Variants in KIF5C observed in about 807,000 individuals in gnomAD.
KIF5C encodes the protein kinesin heavy chain isoform 5C.
Under a neutral mutation model 125.2 loss-of-function variants are expected in KIF5C, and 18 were observed. The ratio of observed to expected loss-of-function variants is 0.14; its 90% CI spans 0.10 to 0.21. The LOEUF is 0.21. Ranked by LOEUF, KIF5C falls within the 10% of genes least tolerant of loss-of-function variation. KIF5C has a pLI of 1.00. For missense variants in KIF5C, 780 were observed against 1,183.8 expected (o/e 0.66, Z 5.01); for synonymous variants, 405 against 434.0 (o/e 0.93, Z 0.83).
At chr2:148,946,666 C>T (rs13399123) in intron 7 of KIF5C, among the ~76,000 whole-genome samples, 5 of 152,164 alleles carry the variant, frequency 3.3e-5, no homozygotes, top group African/African-American at 1.2e-4. Flanking sequence ...AAACTGTTGA[C>T]TAAGATTTTT....
At chr2:148,910,083 A>G (rs1681271716) in intron 1 of KIF5C, among the ~76,000 whole-genome samples, 1 of 152,208 alleles carries the variant, frequency 6.6e-6, no homozygotes, top group East Asian at 1.9e-4. Context: ...TGAAAAATCC[A>G]ATTTAATTAA....
intron 8 of KIF5C, 147 bp from the exon 9 acceptor site, chr2:148,949,692 G>C: frequency 8.7e-7 from 1 of 1,151,204 alleles, no homozygotes; most frequent in Non-Finnish European, 1.2e-6. Context: ...CACGAAGGAT[G>C]GTTTTTTATC....
chr2:148,978,362 T>A lies in KIF5C; in HGVS notation c.1294-560T>A, dbSNP rs867965692. Among the ~76,000 whole-genome samples, 230 of 146,332 alleles carry A rather than the reference T, an allele frequency of 1.6e-3. 1 individual carries two copies. Among genetic ancestry groups the A allele is most frequent in the African/African-American group, 5.7e-3 (219 of 38,436 alleles). ...TTTTTTTTTTTTTTTTTTTTTTTTT[T>A]AACTGTTAAGAAAATTAACTTCCAA... On this transcript the variant is annotated intron_variant, in intron 12 of 25. Coordinates refer to ENST00000435030, the MANE Select transcript of KIF5C (RefSeq NM_004522.3).
intron 10 of KIF5C, among the ~76,000 whole-genome samples, chr2:148,957,442 G>A (rs1196785963): frequency 6.6e-6 from 1 of 151,272 alleles, no homozygotes; most frequent in African/African-American, 2.4e-5. Context: ...CTCTAAATTT[G>A]CCAAAGTTGA....
At chr2:148,952,335 T>C (rs1311819360) in intron 10 of KIF5C, among the ~76,000 whole-genome samples, 1 of 152,180 alleles carries the variant, frequency 6.6e-6, no homozygotes, top group African/African-American at 2.4e-5. Flanking sequence ...CCGTGGGGCA[T>C]TGGCTATCTT....
chr2:148,966,945 G>T (rs767716120), intron 11 of KIF5C, among the ~76,000 whole-genome samples: 9 of 152,164 alleles, frequency 5.9e-5, no homozygotes, highest in Non-Finnish European at 1.2e-4. Context: ...AGAACTGTAA[G>T]TAATAAATTC....
At chr2:148,963,632 C>T (rs1172792627) in intron 11 of KIF5C, among the ~76,000 whole-genome samples, 2 of 152,002 alleles carry the variant, frequency 1.3e-5, no homozygotes, top group Admixed American at 6.6e-5. Context: ...ATGGGAGAGT[C>T]GGGAGCAGTA....
intron 1 of KIF5C, among the ~76,000 whole-genome samples, chr2:148,881,386 G>A (rs1209427392): frequency 1.3e-5 from 2 of 151,988 alleles, no homozygotes; most frequent in South Asian, 4.2e-4. Context: ...GTTTGTGTGT[G>A]CGTGTGCGTG....
chr2:148,965,091 A>G (rs887742432), intron 11 of KIF5C, among the ~76,000 whole-genome samples: 3 of 152,002 alleles, frequency 2.0e-5, no homozygotes, highest in African/African-American at 7.2e-5. Flanking sequence ...GCCGAGTTGG[A>G]TGGAGGGTGA....
At chr2:148,941,721 G>T (rs1276663779) in intron 5 of KIF5C, 63 bp downstream of exon 5, 12 of 1,533,144 alleles carry the variant, frequency 7.8e-6, no homozygotes, top group Non-Finnish European at 1.1e-5. Flanking sequence ...AGGTTGAAAT[G>T]GTTTATCACA....
chr2:149,012,751 C>T (rs919536005), intron 25 of KIF5C, among the ~76,000 whole-genome samples: 6 of 152,256 alleles, frequency 3.9e-5, no homozygotes, highest in Non-Finnish European at 5.9e-5. Context: ...AGCCCGCGGG[C>T]GGGCAGTGTG....
chr2:148,956,618 G>T (rs982246369), intron 10 of KIF5C, among the ~76,000 whole-genome samples: 6 of 152,182 alleles, frequency 3.9e-5, no homozygotes, highest in Non-Finnish European at 7.3e-5. Flanking sequence ...ACAAGGAAAA[G>T]ATGCAAAACA....
chr2:148,966,348 G>A (rs1683048304), intron 11 of KIF5C, among the ~76,000 whole-genome samples: 1 of 151,618 alleles, frequency 6.6e-6, no homozygotes, highest in Non-Finnish European at 1.5e-5. Context: ...GTGTGTGTGT[G>A]TGTGTGCGCG....
In KIF5C at chr2:148,907,209, A is replaced by AGAATTCACTGAGAAGAATT. The variant is rs377310767; in HGVS notation, c.127-14928_127-14927insGAATTCACTGAGAAGAATT. On this transcript the variant is annotated intron_variant, in intron 1 of 25. Transcript: ENST00000435030. The stretch of plus-strand genomic sequence containing the variant: ...CTGTGAAGCTTCTTTAATTAAGAAA[A>AGAATTCACTGAGAAGAATT]CACTGAGAGAGAGCAGTCCCCTGAC... Among the ~76,000 whole-genome samples the AGAATTCACTGAGAAGAATT allele has an allele frequency of 5.7e-3, 864 of 152,360 alleles. 4 individuals are homozygous for AGAATTCACTGAGAAGAATT. The highest frequency in any genetic ancestry group is 9.1e-3 in the Non-Finnish European group (621 of 68,042).
At chr2:148,957,865 T>G (rs968954194) in intron 10 of KIF5C, among the ~76,000 whole-genome samples, 1 of 152,108 alleles carries the variant, frequency 6.6e-6, no homozygotes, top group African/African-American at 2.4e-5. Context: ...ACCCTCTCAG[T>G]CAACACCGAA....
intron 25 of KIF5C, among the ~76,000 whole-genome samples, chr2:149,022,531 A>T (rs1187677237): frequency 6.6e-6 from 1 of 152,226 alleles, no homozygotes; most frequent in African/African-American, 2.4e-5. Context: ...AATACCAGTT[A>T]CATGTTGAAA....
intron 10 of KIF5C, among the ~76,000 whole-genome samples, chr2:148,960,628 C>T (rs1682903738): frequency 6.6e-6 from 1 of 152,194 alleles, no homozygotes; most frequent in African/African-American, 2.4e-5. Flanking sequence ...TTGTTAAACT[C>T]CTCTTTTGAC....
intron 1 of KIF5C, among the ~76,000 whole-genome samples, chr2:148,892,144 C>A (rs1681724989): frequency 6.6e-6 from 1 of 152,200 alleles, no homozygotes; most frequent in Non-Finnish European, 1.5e-5. Flanking sequence ...GCATAGTGGG[C>A]TCCAGCATCC....
chr2:148,938,531 C>T (rs1682339052), intron 4 of KIF5C, among the ~76,000 whole-genome samples: 1 of 152,146 alleles, frequency 6.6e-6, no homozygotes, highest in South Asian at 2.1e-4. Context: ...ATGGCAGCTG[C>T]TGCTCCACCA....
Sources: allele counts gnomAD v4.1 joint callset (sites outside exome capture counted in the v4.1 genomes callset), GRCh38; gene constraint gnomAD v4.1.1; transcripts MANE v1.5; gene names NCBI Gene and HGNC (gene_info 2026-07-23, HGNC 2026-07-21).